Variants in WWOX observed in about 807,000 individuals in gnomAD.
WWOX encodes WW domain-containing oxidoreductase.
Under a neutral mutation model 46.2 loss-of-function variants are expected in WWOX, and 69 were observed. The observed-to-expected ratio is 1.49, with a 90% CI of 1.23 to 1.82. WWOX has a LOEUF of 1.82. Ranked by LOEUF, WWOX falls within the 40% of genes most tolerant of loss-of-function variation. The pLI, the probability that WWOX is intolerant of heterozygous loss-of-function variation, is 0.00. For synonymous variants in WWOX, 359 were observed against 202.6 expected, an observed-to-expected ratio of 1.77 and a Z score of -6.56; for missense variants, 919 against 542.6, an observed-to-expected ratio of 1.69 and a Z score of -6.89.
intron 8 of WWOX, among the ~76,000 whole-genome samples, chr16:78,811,758 G>T (rs563012135): frequency 6.6e-6 from 1 of 151,982 alleles, no homozygotes; most frequent in Non-Finnish European, 1.5e-5. Flanking sequence ...CCTCTCCAGG[G>T]TCCCACACCC....
At chr16:78,565,793 A>T (rs1352052666) in intron 8 of WWOX, among the ~76,000 whole-genome samples, 2 of 152,148 alleles carry the variant, frequency 1.3e-5, no homozygotes, top group Non-Finnish European at 2.9e-5. Context: ...AGAGAATATA[A>T]GCTTTATCCA....
chr16:78,117,528 AGAAAG>A (rs2032860733), intron 4 of WWOX, among the ~76,000 whole-genome samples: 2 of 152,200 alleles, frequency 1.3e-5, no homozygotes, highest in Admixed American at 1.3e-4. Flanking sequence ...TCAGGTCTGA[AGAAAG>A]GAAGAGGCTG....
At chr16:78,597,015 G>A (rs1025290280) in intron 8 of WWOX, among the ~76,000 whole-genome samples, 16 of 152,320 alleles carry the variant, frequency 1.1e-4, no homozygotes, top group South Asian at 6.2e-4. Flanking sequence ...TCCAGCATGC[G>A]ATCCCCTCCC....
intron 5 of WWOX, among the ~76,000 whole-genome samples, chr16:78,269,533 G>T (rs1567469647): frequency 6.6e-6 from 1 of 152,260 alleles, no homozygotes; most frequent in African/African-American, 2.4e-5. Context: ...TTCAGCCACC[G>T]ATTTAACAAA....
intron 8 of WWOX, among the ~76,000 whole-genome samples, chr16:78,561,803 C>G (rs376700136): frequency 1.3e-5 from 2 of 152,088 alleles, no homozygotes. Flanking sequence ...CAGAGAAGAA[C>G]GCAGGGTTCC....
chr16:78,675,110 T>C (rs77323446), intron 8 of WWOX, among the ~76,000 whole-genome samples: 11,209 of 152,242 alleles, frequency 0.074, 1,371 homozygotes, highest in African/African-American at 0.26. Context: ...AATGTTTACA[T>C]AGATGATCGG....
At chr16:78,909,552 C>T (rs1264337882) in intron 8 of WWOX, among the ~76,000 whole-genome samples, 1 of 152,186 alleles carries the variant, frequency 6.6e-6, no homozygotes, top group Non-Finnish European at 1.5e-5. Flanking sequence ...AACCCTCAGC[C>T]TCTCTTTGGC....
At chr16:78,155,513 G>A (rs1322130742) in intron 4 of WWOX, among the ~76,000 whole-genome samples, 2 of 152,154 alleles carry the variant, frequency 1.3e-5, no homozygotes, top group Non-Finnish European at 2.9e-5. Context: ...CCATGGCCAC[G>A]TCATTTTTCT....
chr16:78,917,953 G>C (rs1004263953), intron 8 of WWOX, among the ~76,000 whole-genome samples: 84 of 152,260 alleles, frequency 5.5e-4, no homozygotes, highest in African/African-American at 2.0e-3. Flanking sequence ...CATAATCTTA[G>C]CACTTTGGGA....
chr16:78,577,838 T>C (rs1258829934), intron 8 of WWOX, among the ~76,000 whole-genome samples: 1 of 152,134 alleles, frequency 6.6e-6, no homozygotes, highest in Admixed American at 6.5e-5. Flanking sequence ...ACAGATGACC[T>C]TGTTTGGGCT....
At chr16:79,161,327 G>C (rs746712985) in intron 8 of WWOX, among the ~76,000 whole-genome samples, 4 of 152,104 alleles carry the variant, frequency 2.6e-5, no homozygotes, top group Admixed American at 6.5e-5. Context: ...CTCTAGGATG[G>C]ACGTCATTGT....
In WWOX at chr16:78,190,385, C is replaced by T. The variant is rs74027917; in HGVS notation, c.516+26096C>T. On this transcript the variant is annotated intron_variant, in intron 5 of 8. Coordinates refer to ENST00000566780, the MANE Select transcript of WWOX (RefSeq NM_016373.4). ...ACCCCGACCTTGAAATAAGGTGGAA[C>T]TAATAAATCCCGCTTTGTGCTGGAG... 4.7e-4 allele frequency among the ~76,000 whole-genome samples: 71 copies of T among 152,254 alleles called. No homozygotes were observed. The South Asian group carries it at 8.7e-3, about 19-fold the overall frequency.
At chr16:78,185,517 G>A (rs2035669340) in intron 5 of WWOX, among the ~76,000 whole-genome samples, 1 of 150,920 alleles carries the variant, frequency 6.6e-6, no homozygotes, top group African/African-American at 2.4e-5. Flanking sequence ...AAGTTTACAT[G>A]TAGAAGCTCA....
intron 8 of WWOX, among the ~76,000 whole-genome samples, chr16:78,958,020 A>G (rs2046203170): frequency 6.6e-6 from 1 of 152,206 alleles, no homozygotes; most frequent in African/African-American, 2.4e-5. Flanking sequence ...CCAAGGCCAC[A>G]TGAGCTGTTT....
intron 5 of WWOX, among the ~76,000 whole-genome samples, chr16:78,176,002 C>T (rs2035331936): frequency 6.6e-6 from 1 of 152,176 alleles, no homozygotes; most frequent in Non-Finnish European, 1.5e-5. Context: ...ACTTTTAAAA[C>T]ATACCTGATC....
intron 8 of WWOX, chr16:79,004,083 C>T (rs11866798): frequency 0.15 from 23,132 of 152,180 alleles, 2,056 homozygotes; most frequent in East Asian, 0.26. Context: ...TGTCTGCATA[C>T]TGTAGACCAT....
intron 8 of WWOX, among the ~76,000 whole-genome samples, chr16:78,889,459 G>C (rs2044540859): frequency 6.6e-6 from 1 of 150,554 alleles, no homozygotes; most frequent in Admixed American, 6.7e-5. Flanking sequence ...GTCTCAGAGT[G>C]ATCATTCTTG....
intron 5 of WWOX, among the ~76,000 whole-genome samples, chr16:78,352,294 A>G (rs2081202027): frequency 6.6e-6 from 1 of 152,202 alleles, no homozygotes; most frequent in Admixed American, 6.5e-5. Context: ...TCTCAATGTT[A>G]GTGACTTAGA....
chr16:78,989,154 C>T (rs1032427951), intron 8 of WWOX, among the ~76,000 whole-genome samples: 1 of 151,888 alleles, frequency 6.6e-6, no homozygotes, highest in Non-Finnish European at 1.5e-5. Flanking sequence ...GATGCTGAAC[C>T]CTTATTGTAT....
Sources: allele counts gnomAD v4.1 joint callset (sites outside exome capture counted in the v4.1 genomes callset), GRCh38; gene constraint gnomAD v4.1.1; transcripts MANE v1.5; gene names NCBI Gene and HGNC (gene_info 2026-07-23, HGNC 2026-07-21).